Variants in RANGAP1 observed in about 807,000 individuals in gnomAD.
RANGAP1 encodes ran GTPase-activating protein 1.
A neutral mutation model predicts 63.5 loss-of-function variants in RANGAP1; 38 were observed. That is an observed-to-expected ratio of 0.60 (90% confidence interval 0.46 to 0.78). The LOEUF is 0.78. RANGAP1 is among the 30% of genes least tolerant of loss of function. RANGAP1 has a pLI of 0.00. For synonymous variants in RANGAP1, 329 were observed against 310.5 expected (o/e 1.06, Z -0.63); for missense variants, 630 against 740.3 (o/e 0.85, Z 1.73).
intron 13 of RANGAP1, among the ~76,000 whole-genome samples, chr22:41,250,223 A>G (rs1006213288): frequency 9.9e-5 from 15 of 152,186 alleles, no homozygotes; most frequent in African/African-American, 3.6e-4. Flanking sequence ...AACTAGGGCA[A>G]CTTGTTCCCA....
intron 4 of RANGAP1, among the ~76,000 whole-genome samples, chr22:41,265,073 A>C (rs2034389948): frequency 6.6e-6 from 1 of 152,176 alleles, no homozygotes; most frequent in African/African-American, 2.4e-5. Flanking sequence ...GGCTCCTTGT[A>C]AGAGGTGGCA....
intron 1 of RANGAP1, chr22:41,285,536 T>G: frequency 2.4e-5 from 24 of 985,482 alleles, no homozygotes; most frequent in Non-Finnish European, 2.9e-5. Flanking sequence ...GCGTCAGCAG[T>G]GACTCACATC....
chr22:41,279,469 CA>C (rs199969414), intron 2 of RANGAP1, among the ~76,000 whole-genome samples: 1 of 137,602 alleles, frequency 7.3e-6, no homozygotes, highest in Admixed American at 7.3e-5. Context: ...GACTCCATCT[CA>C]AAAAAAAAAC....
chr22:41,284,782 G>C (rs928046294), intron 1 of RANGAP1: 9 of 152,172 alleles, frequency 5.9e-5, no homozygotes, highest in African/African-American at 2.2e-4. Flanking sequence ...AAGGTGGGAG[G>C]ATCACTTGAG....
At chr22:41,286,754 T>G (rs1465508185), upstream of RANGAP1, among the ~76,000 whole-genome samples, 1 of 152,218 alleles carries the variant, frequency 6.6e-6, no homozygotes, top group African/African-American at 2.4e-5. Context: ...ACGGCCACGT[T>G]AACATCAACA....
chr22:41,258,623 C>T (rs1051901107), intron 6 of RANGAP1, among the ~76,000 whole-genome samples: 8 of 152,180 alleles, frequency 5.3e-5, no homozygotes, highest in African/African-American at 1.9e-4. Flanking sequence ...GATACCCATT[C>T]TCTCTGCCTC....
At chr22:41,266,074 C>T (rs113242490) in intron 4 of RANGAP1, among the ~76,000 whole-genome samples, 2,841 of 151,930 alleles carry the variant, frequency 0.019, 64 homozygotes, top group African/African-American at 0.05. Flanking sequence ...TGGTGGCGGG[C>T]GCCTGTAGTC....
the RANGAP1 span, among the ~76,000 whole-genome samples, chr22:41,299,282 G>A: frequency 3.3e-5 from 5 of 151,930 alleles, no homozygotes; most frequent in African/African-American, 9.7e-5. Flanking sequence ...ACAGGCGCCC[G>A]CCACCATGCC....
At chr22:41,275,518 C>T (rs1050457422) in intron 2 of RANGAP1, among the ~76,000 whole-genome samples, 3 of 151,814 alleles carry the variant, frequency 2.0e-5, no homozygotes, top group Admixed American at 6.6e-5. Context: ...TGGTGGCATA[C>T]GCCTGTAATC....
intron 10 of RANGAP1, among the ~76,000 whole-genome samples, chr22:41,255,633 C>T (rs963909456): frequency 3.3e-5 from 5 of 151,556 alleles, no homozygotes; most frequent in South Asian, 2.1e-4. Flanking sequence ...AGGGTGGCCC[C>T]GCTCAGCCCG....
At chr22:41,281,883 G>A (rs942304853) in intron 1 of RANGAP1, 8 of 153,788 alleles carry the variant, frequency 5.2e-5, no homozygotes, top group Admixed American at 2.0e-4. Flanking sequence ...AGCACATTGG[G>A]AAGCTGTGAT....
chr22:41,256,449 C>T (rs2033840155), intron 8 of RANGAP1, among the ~76,000 whole-genome samples, 159 bp from the exon 9 acceptor site: 1 of 152,148 alleles, frequency 6.6e-6, no homozygotes, highest in Non-Finnish European at 1.5e-5. Context: ...AAAAATAATG[C>T]CCTGCAGCCA....
intron 3 of RANGAP1, among the ~76,000 whole-genome samples, chr22:41,273,602 C>T (rs1450603949): frequency 6.6e-6 from 1 of 151,022 alleles, no homozygotes; most frequent in Non-Finnish European, 1.5e-5. Context: ...CCCGTCTCTA[C>T]TAAAAATACA....
intron 2 of RANGAP1, among the ~76,000 whole-genome samples, chr22:41,275,326 T>TC: frequency 6.6e-6 from 1 of 151,744 alleles, no homozygotes; most frequent in South Asian, 2.1e-4. Context: ...AACTCTGTCT[T>TC]ACTAAAAATA....
chr22:41,270,685 G>A (rs966292622), intron 3 of RANGAP1, among the ~76,000 whole-genome samples: 1 of 152,058 alleles, frequency 6.6e-6, no homozygotes, highest in Non-Finnish European at 1.5e-5. Context: ...CTGGGATCAC[G>A]TGATCTGCTC....
intron 1 of RANGAP1, chr22:41,285,382 G>C (rs1352016290): frequency 1.8e-6 from 1 of 553,476 alleles, no homozygotes; most frequent in East Asian, 1.5e-4. Context: ...CAAGAAACTG[G>C]AGCACAGAAA....
At chr22:41,284,203 C>A (rs987422990) in intron 1 of RANGAP1, among the ~76,000 whole-genome samples, 1 of 151,128 alleles carries the variant, frequency 6.6e-6, no homozygotes, top group Non-Finnish European at 1.5e-5. Flanking sequence ...GCTGAGATTG[C>A]GCCACTGCAC....
At position 41,245,718 on chromosome 22, in the gene RANGAP1, AC is replaced by A. The variant is rs1569163733; in HGVS notation, c.*884del. 1 of 152,428 alleles carries A rather than the reference AC, an allele frequency of 6.6e-6. No individual in the cohort carries two copies. The highest frequency in any genetic ancestry group is 1.5e-5 in the Non-Finnish European group (1 of 68,224). 9.4% of individuals were successfully genotyped at this position (152,428 alleles called of 1,614,324 possible). On this transcript the variant is annotated 3_prime_UTR_variant, in exon 16 of 16. Coordinates refer to ENST00000356244, the MANE Select transcript of RANGAP1 (RefSeq NM_002883.4). Reference sequence around the variant, plus strand: ...AGTCACGGGTGCTCAGGGAGGTCATACAGCATCTGCCCAGTCCAGACCCTAC... The same window carrying A: ...AGTCACGGGTGCTCAGGGAGGTCATAAGCATCTGCCCAGTCCAGACCCTAC...
rs1448565580 is a variant in RANGAP1 at position 41,246,580 on chromosome 22, A to G, written c.*23T>C. ...CCTCCCCAGCTCACTGGTCCAGGCC[A>G]AGGGATGGGAGAGGCTTTGAGTCTA... On this transcript the variant is annotated 3_prime_UTR_variant, in exon 16 of 16. Transcript: ENST00000356244. The G allele has an allele frequency of 6.5e-7, 1 of 1,528,120 alleles. No individual in the cohort carries two copies. Among genetic ancestry groups the G allele is most frequent in the Non-Finnish European group, 8.9e-7 (1 of 1,121,522 alleles). 94.7% of individuals were successfully genotyped at this position (1,528,120 alleles called of 1,614,324 possible). A position where few individuals can be genotyped will look rare whatever the true frequency, so the allele number is the denominator to read the frequency against.
Sources: gnomAD v4.1 joint callset for allele counts (sites outside exome capture counted in the v4.1 genomes callset) on GRCh38, gnomAD v4.1.1 for gene constraint, MANE v1.5 for transcripts, NCBI Gene and HGNC (gene_info 2026-07-23, HGNC 2026-07-21) for gene names.